Variants in LUZP2 observed in about 807,000 individuals in gnomAD.
LUZP2 encodes leucine zipper protein 2.
A neutral mutation model predicts 51.6 loss-of-function variants in LUZP2; 52 were observed. That is an observed-to-expected ratio of 1.01 (90% confidence interval 0.81 to 1.27). LUZP2 has a LOEUF of 1.27. Ranked by LOEUF, LUZP2 falls within the 50% of genes most tolerant of loss-of-function variation. LUZP2 has a pLI of 0.00. For synonymous variants in LUZP2, 154 were observed against 137.3 expected (o/e 1.12, Z -0.85); for missense variants, 436 against 395.4 (o/e 1.10, Z -0.87).
intron 5 of LUZP2, among the ~76,000 whole-genome samples, chr11:24,771,886 G>T (rs148120766): frequency 6.6e-6 from 1 of 152,142 alleles, no homozygotes; most frequent in East Asian, 1.9e-4. Context: ...TTTGCTCCTC[G>T]TTCACCTACC....
chr11:25,013,802 G>T (rs1035102082), intron 9 of LUZP2, among the ~76,000 whole-genome samples: 1 of 151,862 alleles, frequency 6.6e-6, no homozygotes, highest in Non-Finnish European at 1.5e-5. Flanking sequence ...ACATGGTGCA[G>T]GTTTGTTACA....
chr11:24,777,752 A>G (rs1848978906), intron 5 of LUZP2, among the ~76,000 whole-genome samples: 1 of 152,130 alleles, frequency 6.6e-6, no homozygotes, highest in Non-Finnish European at 1.5e-5. Flanking sequence ...CTTTGATATT[A>G]TAGTACATAA....
In LUZP2 at chr11:24,976,468, G is replaced by A. The variant is rs989912954; in HGVS notation, c.523-123G>A. ...ACTGAATTCTAAATGAATCTTACAG[G>A]ACACTGTTTTTTTTTTTTTTCTTTT... is the stretch of plus-strand genomic sequence containing the variant. On this transcript the variant is annotated intron_variant, in intron 7 of 11. Transcript: ENST00000336930. The A allele has an allele frequency of 9.6e-5, 44 of 457,110 alleles. No homozygotes were observed. The African/African-American group carries it at 1.1e-3, about 12-fold the overall frequency. 28.3% of individuals were successfully genotyped at this position (457,110 alleles called of 1,614,324 possible). A position where few individuals can be genotyped will look rare whatever the true frequency, so the allele number is the denominator to read the frequency against.
At chr11:24,574,211 C>CCTTCCTTTCTTTCTTTCTTTCTTT (rs1301811202) in intron 1 of LUZP2, among the ~76,000 whole-genome samples, 3 of 6,054 alleles carry the variant, frequency 5.0e-4, no homozygotes, top group African/African-American at 6.0e-4. Context: ...TTTCTTCCTT[C>CCTTCCTTTCTTTCTTTCTTTCTTT]CTTTCTTTCT....
chr11:25,022,168 G>A (rs547044759), intron 9 of LUZP2, among the ~76,000 whole-genome samples: 1 of 152,038 alleles, frequency 6.6e-6, no homozygotes, highest in South Asian at 2.1e-4. Context: ...CCCCAGAAGG[G>A]TCAGCTAACT....
intron 1 of LUZP2, among the ~76,000 whole-genome samples, chr11:24,619,004 CATTATTTA>C (rs1854395540): frequency 7.5e-6 from 1 of 133,310 alleles, no homozygotes; most frequent in Admixed American, 7.7e-5. Context: ...AACCACTTAG[CATTATTTA>C]TTTATTTATT....
chr11:24,878,007 G>C (rs1307019577), intron 5 of LUZP2, among the ~76,000 whole-genome samples: 3 of 151,146 alleles, frequency 2.0e-5, no homozygotes, highest in Non-Finnish European at 4.4e-5. Flanking sequence ...CTCTTCATCT[G>C]TTGATGGACA....
intron 1 of LUZP2, among the ~76,000 whole-genome samples, chr11:24,652,929 C>A (rs182601236): frequency 6.6e-6 from 1 of 152,028 alleles, no homozygotes; most frequent in African/African-American, 2.4e-5. Context: ...TTTAAGTAAC[C>A]TTTATTGGAT....
chr11:24,514,756 A>C (rs1441966717), intron 1 of LUZP2, among the ~76,000 whole-genome samples: 1 of 152,190 alleles, frequency 6.6e-6, no homozygotes, highest in Non-Finnish European at 1.5e-5. Context: ...TATCAGGGCA[A>C]TTGTTAAAAG....
rs33998362 is a variant in LUZP2, at chr11:24,943,877, CAAAAAAAA to C, written c.522+29352_522+29359del. On this transcript the variant is annotated intron_variant, in intron 7 of 11. Transcript: ENST00000336930. ...TGGGCGACAGAGGGAGACTCCATCTCAAAAAAAAAAAAAAAAAAAATCATTAAGTGCCA... is the reference window on the plus strand; with the variant it reads ...TGGGCGACAGAGGGAGACTCCATCTCAAAAAAAAAAAATCATTAAGTGCCA... Among the ~76,000 whole-genome samples the C allele has an allele frequency of 8.7e-5, 9 of 103,366 alleles. No homozygotes were observed. In the Admixed American group the frequency reaches 9.4e-4, roughly 11 times the overall value. The allele number at this position is 103,366 out of a possible 152,430, so 67.8% of individuals were successfully genotyped here. A position where few individuals can be genotyped will look rare whatever the true frequency, so the allele number is the denominator to read the frequency against.
At chr11:24,979,349 T>C (rs970047131) in intron 8 of LUZP2, among the ~76,000 whole-genome samples, 41 of 151,746 alleles carry the variant, frequency 2.7e-4, no homozygotes, top group African/African-American at 9.4e-4. Flanking sequence ...TCATAAACTA[T>C]AGCCATAAAG....
At chr11:24,830,709 G>A (rs1406018042) in intron 5 of LUZP2, among the ~76,000 whole-genome samples, 1 of 152,068 alleles carries the variant, frequency 6.6e-6, no homozygotes, top group Non-Finnish European at 1.5e-5. Context: ...TAAGAAGCAA[G>A]GCTGGCCAGG....
intron 9 of LUZP2, among the ~76,000 whole-genome samples, chr11:25,011,359 T>G (rs1160653553): frequency 6.6e-6 from 1 of 152,158 alleles, no homozygotes; most frequent in Non-Finnish European, 1.5e-5. Flanking sequence ...GCTTTGAACT[T>G]TTGCATTAGA....
chr11:25,045,841 G>A (rs1387329078), intron 9 of LUZP2, among the ~76,000 whole-genome samples: 1 of 152,032 alleles, frequency 6.6e-6, no homozygotes, highest in East Asian at 1.9e-4. Context: ...GTATCATCCA[G>A]GCCTCTGTGG....
rs991876110 is a variant in LUZP2, at chr11:25,059,708, T to A, written c.858+9578T>A. Among the ~76,000 whole-genome samples the A allele has an allele frequency of 1.3e-5, 2 of 152,126 alleles. 1 individual carries two copies. The highest frequency in any genetic ancestry group is 1.3e-4 in the Admixed American group (2 of 15,250). ...GCTTGATTACTGAGACTATTTTCTTTCCCTGTTAAATCATAAACACAAAAG... is the reference window on the plus strand; with the variant it reads ...GCTTGATTACTGAGACTATTTTCTTACCCTGTTAAATCATAAACACAAAAG... On this transcript the variant is annotated intron_variant, in intron 10 of 11. Transcript: ENST00000336930.
Position 24,810,404 on chromosome 11 carries a change from G to A in LUZP2, c.396+47096G>A, listed in dbSNP as rs191973053. 4.1e-3 allele frequency among the ~76,000 whole-genome samples: 625 copies of A among 152,210 alleles called. 3 individuals are homozygous for A. Among genetic ancestry groups the A allele is most frequent in the Non-Finnish European group, 6.8e-3 (465 of 68,000 alleles). On this transcript the variant is annotated intron_variant, in intron 5 of 11. Transcript: ENST00000336930. ...AATTGAAGAAATAAACACATCTGTT[G>A]TCAAGGTTCTGTATAAAGATAATAG...
At chr11:24,965,404 C>T (rs774277949) in intron 7 of LUZP2, among the ~76,000 whole-genome samples, 17 of 151,400 alleles carry the variant, frequency 1.1e-4, no homozygotes, top group Non-Finnish European at 2.1e-4. Context: ...CAAAGCTTCT[C>T]TGGAATATCT....
intron 1 of LUZP2, among the ~76,000 whole-genome samples, chr11:24,560,188 G>T (rs1564990720): frequency 6.6e-6 from 1 of 152,060 alleles, no homozygotes; most frequent in Non-Finnish European, 1.5e-5. Context: ...GTTATGAAAT[G>T]ATGGGCCATA....
chr11:25,006,583 G>A (rs185544484), intron 9 of LUZP2, among the ~76,000 whole-genome samples: 16 of 152,222 alleles, frequency 1.1e-4, no homozygotes, highest in Non-Finnish European at 2.1e-4. Flanking sequence ...CACACTAGTC[G>A]CTTTTAACTG....
Sources: gnomAD v4.1 joint callset for allele counts (sites outside exome capture counted in the v4.1 genomes callset) on GRCh38, gnomAD v4.1.1 for gene constraint, MANE v1.5 for transcripts, NCBI Gene and HGNC (gene_info 2026-07-23, HGNC 2026-07-21) for gene names.